The following STXBP6 variants were observed in gnomAD, a reference collection of about 807,000 sequenced individuals.
STXBP6 encodes syntaxin binding protein 6, also known as syntaxin-binding protein 6.
A neutral mutation model predicts 26.9 loss-of-function variants in STXBP6; 21 were observed. The ratio of observed to expected loss-of-function variants is 0.78; its 90% CI spans 0.55 to 1.12. The LOEUF (loss-of-function observed/expected upper bound fraction) is 1.12. Among genes scored for constraint, STXBP6 ranks in the 50% most tolerant of loss-of-function variants. The probability of loss-of-function intolerance (pLI) is 0.00; values close to 1 mark genes in which losing one functional copy is unlikely to be tolerated. For synonymous variants in STXBP6, 97 were observed against 92.6 expected, an observed-to-expected ratio of 1.05 and a Z score of -0.27; for missense variants, 232 against 257.9, an observed-to-expected ratio of 0.90 and a Z score of 0.69.
chr14:24,836,860 T>G (rs182934767), intron 4 of STXBP6, among the ~76,000 whole-genome samples: 53 of 152,326 alleles, frequency 3.5e-4, no homozygotes, highest in East Asian at 1.9e-4. Flanking sequence ...TACGGCAGGA[T>G]AGATCTATAA....
intron 1 of STXBP6, among the ~76,000 whole-genome samples, chr14:25,021,587 C>T (rs142989847): frequency 1.8e-3 from 269 of 152,262 alleles, no homozygotes; most frequent in South Asian, 8.9e-3. Flanking sequence ...CACTTTGTTG[C>T]CAAATTCAAA....
chr14:25,038,753 A>G (rs1447613033), intron 1 of STXBP6, among the ~76,000 whole-genome samples: 1 of 152,162 alleles, frequency 6.6e-6, no homozygotes, highest in Non-Finnish European at 1.5e-5. Flanking sequence ...TGTACAACAC[A>G]GTCCCATGAC....
chr14:24,824,201 C>T (rs1012374592), intron 4 of STXBP6, among the ~76,000 whole-genome samples: 8 of 152,064 alleles, frequency 5.3e-5, no homozygotes, highest in Non-Finnish European at 1.0e-4. Context: ...AAAGAAAAGT[C>T]ACATAGAGAT....
chr14:25,005,144 G>A (rs770092553), intron 1 of STXBP6, among the ~76,000 whole-genome samples: 1 of 152,034 alleles, frequency 6.6e-6, no homozygotes, highest in Non-Finnish European at 1.5e-5. Flanking sequence ...CTCATTAAAA[G>A]ACATTTATTT....
rs2067766961 is a variant in STXBP6 at position 24,809,685 on chromosome 14, A to C, written c.*3024T>G. On this transcript the variant is annotated 3_prime_UTR_variant, in exon 6 of 6. Transcript: ENST00000323944. ...CACAGAGTTAAAATATTTAATGACAAAATTAGGGTTTGTTGTAATAGTGAA... is the reference window on the plus strand; with the variant it reads ...CACAGAGTTAAAATATTTAATGACACAATTAGGGTTTGTTGTAATAGTGAA... 1.3e-5 allele frequency: 2 copies of C among 152,244 alleles called. No individual in the cohort carries two copies. Among genetic ancestry groups the C allele is most frequent in the South Asian group, 4.1e-4 (2 of 4,828 alleles). The allele number at this position is 152,244 out of a possible 1,614,324, so 9.4% of individuals were successfully genotyped here.
chr14:24,931,756 A>T (rs1382115837), intron 2 of STXBP6, among the ~76,000 whole-genome samples: 6 of 152,154 alleles, frequency 3.9e-5, no homozygotes, highest in African/African-American at 1.4e-4. Context: ...GGATAATGTG[A>T]CTGTGGGCAA....
At chr14:24,903,580 C>T (rs28463143) in intron 2 of STXBP6, among the ~76,000 whole-genome samples, 3,488 of 152,196 alleles carry the variant, frequency 0.023, 140 homozygotes, top group African/African-American at 0.079. Flanking sequence ...TGAAACTCCA[C>T]ATTTTAAAAT....
chr14:24,954,810 C>T (rs1332875085), intron 2 of STXBP6, among the ~76,000 whole-genome samples: 1 of 152,202 alleles, frequency 6.6e-6, no homozygotes, highest in Non-Finnish European at 1.5e-5. Flanking sequence ...TGGGCCACAG[C>T]CTGACATAGA....
intron 4 of STXBP6, among the ~76,000 whole-genome samples, chr14:24,851,520 T>C (rs182387539): frequency 6.6e-6 from 1 of 152,018 alleles, no homozygotes; most frequent in Admixed American, 6.5e-5. Flanking sequence ...AGAACCATCA[T>C]TCTCAACATC....
intron 2 of STXBP6, among the ~76,000 whole-genome samples, chr14:24,951,700 C>T (rs190078575): frequency 3.4e-4 from 51 of 152,112 alleles, no homozygotes; most frequent in African/African-American, 1.0e-3. Flanking sequence ...TAAAAAATTT[C>T]TTATGTGATG....
chr14:24,960,700 T>A (rs1241865634), intron 2 of STXBP6, among the ~76,000 whole-genome samples: 1 of 152,198 alleles, frequency 6.6e-6, no homozygotes, highest in Non-Finnish European at 1.5e-5. Flanking sequence ...CCTTTACAGC[T>A]GAACCCATAT....
intron 2 of STXBP6, among the ~76,000 whole-genome samples, chr14:24,896,816 A>C (rs919294388): frequency 2.0e-5 from 3 of 152,180 alleles, no homozygotes; most frequent in Non-Finnish European, 4.4e-5. Flanking sequence ...TCATAGGTAG[A>C]GGAAACCAGA....
chr14:25,015,293 C>A (rs2075124172), intron 1 of STXBP6, among the ~76,000 whole-genome samples: 1 of 152,102 alleles, frequency 6.6e-6, no homozygotes. Context: ...AGTTTCAGTG[C>A]AGGAAGCTGG....
chr14:24,967,422 A>G (rs1261558052), intron 2 of STXBP6, among the ~76,000 whole-genome samples: 1 of 152,206 alleles, frequency 6.6e-6, no homozygotes, highest in African/African-American at 2.4e-5. Context: ...ACTGAACTAG[A>G]AAATGTTTCA....
At chr14:24,968,965 T>G (rs2073819075) in intron 2 of STXBP6, among the ~76,000 whole-genome samples, 1 of 152,222 alleles carries the variant, frequency 6.6e-6, no homozygotes. Context: ...CCCCCCGTGC[T>G]GCATTAGAAC....
At chr14:25,038,642 T>C (rs903831073) in intron 1 of STXBP6, among the ~76,000 whole-genome samples, 9 of 151,932 alleles carry the variant, frequency 5.9e-5, no homozygotes, top group East Asian at 3.9e-4. Flanking sequence ...AAGGGAACAA[T>C]AGACATTAGG....
chr14:24,925,623 T>G (rs1448662448), intron 2 of STXBP6, among the ~76,000 whole-genome samples: 2 of 152,254 alleles, frequency 1.3e-5, no homozygotes, highest in Non-Finnish European at 2.9e-5. Context: ...ACTTCTCAAC[T>G]CCATAGGATT....
chr14:24,892,552 T>A, intron 2 of STXBP6, among the ~76,000 whole-genome samples: 1 of 152,036 alleles, frequency 6.6e-6, no homozygotes, highest in East Asian at 1.9e-4. Flanking sequence ...TTGGTTTGAG[T>A]CTTTTTCTTC....
At chr14:24,927,874 T>TC (rs2072235393) in intron 2 of STXBP6, among the ~76,000 whole-genome samples, 1 of 152,120 alleles carries the variant, frequency 6.6e-6, no homozygotes, top group African/African-American at 2.4e-5. Flanking sequence ...TCTTTTTTTT[T>TC]CCTCTAGTTC....
Sources: allele counts gnomAD v4.1 joint callset (sites outside exome capture counted in the v4.1 genomes callset), GRCh38; gene constraint gnomAD v4.1.1; transcripts MANE v1.5; gene names NCBI Gene and HGNC (gene_info 2026-07-23, HGNC 2026-07-21).